Variants in CYB5D2 observed in about 807,000 individuals in gnomAD.
CYB5D2 encodes neuferricin.
In CYB5D2, 23 loss-of-function variants were observed where a neutral mutation model predicts 22.8. The observed-to-expected ratio is 1.01, with a 90% CI of 0.73 to 1.43. The LOEUF (loss-of-function observed/expected upper bound fraction) is 1.43, where lower values mean the gene tolerates loss of function less well. Among genes scored for constraint, CYB5D2 ranks in the 40% most tolerant of loss-of-function variants. CYB5D2 has a pLI of 0.00. For synonymous variants in CYB5D2, 170 were observed against 152.2 expected (o/e 1.12, Z -0.86); for missense variants, 373 against 357.2 (o/e 1.04, Z -0.36).
In CYB5D2 at chr17:4,144,361, C is replaced by T. The variant is rs539145158; in HGVS notation, c.250+356C>T. ...AGATAAACGAGATCCCGCCCCGCCC[C>T]TACCCTCACAGTTTCCTTAATAATT... On this transcript the variant is annotated intron_variant, in intron 1 of 3. Transcript: ENST00000301391. Among the ~76,000 whole-genome samples, 31 of 152,258 alleles carry T rather than the reference C, an allele frequency of 2.0e-4. 1 individual carries two copies. The highest frequency in any genetic ancestry group is 6.8e-3 in the Middle Eastern group (2 of 294).
rs770455843 is a variant in CYB5D2, at chr17:4,143,769, G to A, written c.14G>A (p.Gly5Glu). The change falls in exon 1 of 4, where the codon GGA (glycine) becomes GAA (glutamate). Residue 5 changes from glycine (G) to glutamate (E), a missense_variant. Transcript: ENST00000301391. MLRCGGRGLLLGLAV... is the reference protein window; with the variant it reads MLRCEGRGLLLGLAV... ...GGGCCTATATAGATGTTGAGGTGCG[G>A]AGGCCGTGGGCTTTTGTTGGGCCTG... 40 of 1,613,562 alleles carry A rather than the reference G, an allele frequency of 2.5e-5. No individual in the cohort carries two copies. The highest frequency in any genetic ancestry group is 3.3e-5 in the Non-Finnish European group (39 of 1,179,902).
At position 4,143,728 on chromosome 17, in the gene CYB5D2, G is replaced by C. The variant is rs1243224416; in HGVS notation, c.-28G>C. Reference sequence around the variant, plus strand: ...GCTGTAGATAGAGGCGGCAACCTCGGAAGTGCGGAGCGGGTGGGCCTATAT... The same window carrying C: ...GCTGTAGATAGAGGCGGCAACCTCGCAAGTGCGGAGCGGGTGGGCCTATAT... On this transcript the variant is annotated 5_prime_UTR_variant, in exon 1 of 4. Transcript: ENST00000301391. The C allele has an allele frequency of 1.3e-6, 2 of 1,585,810 alleles. No individual in the cohort carries two copies. Among genetic ancestry groups the C allele is most frequent in the East Asian group, 4.5e-5 (2 of 44,310 alleles).
rs1409073768 is a variant in CYB5D2, at chr17:4,157,496, G to A, written c.*414G>A. ...TCTGGAATTGGAAAAGCTTTTGCTT[G>A]TATGGATACAGCAAATCCAGATGTC... On this transcript the variant is annotated 3_prime_UTR_variant, in exon 4 of 4. Transcript: ENST00000301391. This position sits in a 1 kb window ranked among gnomAD's most constrained non-coding sequence, Gnocchi z 4.4. The A allele has an allele frequency of 1.4e-5, 3 of 215,338 alleles. No individual in the cohort carries two copies. Among genetic ancestry groups the A allele is most frequent in the Non-Finnish European group, 2.8e-5 (3 of 107,992 alleles). The allele number at this position is 215,338 out of a possible 1,614,324, so 13.3% of individuals were successfully genotyped here.
intron 2 of CYB5D2, among the ~76,000 whole-genome samples, chr17:4,152,687 A>C (rs562791263): frequency 2.6e-5 from 4 of 152,372 alleles, no homozygotes; most frequent in African/African-American, 9.6e-5. Flanking sequence ...AGGCCAACTC[A>C]TAGACTGCAG....
intron 1 of CYB5D2, among the ~76,000 whole-genome samples, chr17:4,145,593 T>G (rs754847986): frequency 2.0e-5 from 3 of 152,240 alleles, no homozygotes; most frequent in Admixed American, 6.5e-5. Flanking sequence ...GCTCCCGTGT[T>G]CTGGTATTCA....
In CYB5D2 at chr17:4,149,887, C is replaced by A; in HGVS notation, c.251-4C>A. On this transcript the variant is annotated splice_region_variant and splice_polypyrimidine_tract_variant and intron_variant, in intron 1 of 3. Coordinates refer to ENST00000301391, the MANE Select transcript of CYB5D2 (RefSeq NM_144611.4). ...TGGGTCTGATGGAAACATCTCTGTTCCAGGCCGAGACGCATCCAGAGCTTT... is the reference window on the plus strand; with the variant it reads ...TGGGTCTGATGGAAACATCTCTGTTACAGGCCGAGACGCATCCAGAGCTTT... The A allele has an allele frequency of 6.2e-7, 1 of 1,612,936 alleles. No individual in the cohort carries two copies. Among genetic ancestry groups the A allele is most frequent in the Non-Finnish European group, 8.5e-7 (1 of 1,179,136 alleles).
rs117716183 is a variant in CYB5D2, at chr17:4,151,947, G to A, written c.391+1916G>A. 6.8e-3 allele frequency among the ~76,000 whole-genome samples: 1,020 copies of A among 150,894 alleles called. 6 individuals are homozygous for A. The highest frequency in any genetic ancestry group is 0.021 in the Middle Eastern group (6 of 284). ...CTTGAACCTGGAAGGCAGAGGTTGCGATAAGCCGAGATCACATCACTGCAT... is the reference window on the plus strand; with the variant it reads ...CTTGAACCTGGAAGGCAGAGGTTGCAATAAGCCGAGATCACATCACTGCAT... On this transcript the variant is annotated intron_variant, in intron 2 of 3. Transcript: ENST00000301391.
At chr17:4,148,858 G>A (rs2059022780) in intron 1 of CYB5D2, among the ~76,000 whole-genome samples, 1 of 152,028 alleles carries the variant, frequency 6.6e-6, no homozygotes, top group African/African-American at 2.4e-5. Flanking sequence ...CCTGGATTGA[G>A]CAACTGGTTG....
At chr17:4,151,711 G>T (rs1350654008) in intron 2 of CYB5D2, among the ~76,000 whole-genome samples, 1 of 151,398 alleles carries the variant, frequency 6.6e-6, no homozygotes, top group Non-Finnish European at 1.5e-5. Context: ...AAAAGAAAAA[G>T]AATAAGAATG....
chr17:4,156,040 A>G (rs4790176), intron 3 of CYB5D2, among the ~76,000 whole-genome samples: 118,640 of 152,274 alleles, frequency 0.78, 47,926 homozygotes, highest in East Asian at 0.98. Context: ...GAGGCTGGGT[A>G]GAAGAGGGAG....
intron 1 of CYB5D2, among the ~76,000 whole-genome samples, chr17:4,146,046 G>A (rs1038406762): frequency 1.3e-5 from 2 of 152,126 alleles, no homozygotes; most frequent in African/African-American, 4.8e-5. Flanking sequence ...TGATTCAGCC[G>A]CTGAAAGTGT....
intron 1 of CYB5D2, among the ~76,000 whole-genome samples, chr17:4,148,401 C>G (rs987989279): frequency 2.6e-5 from 4 of 151,892 alleles, no homozygotes; most frequent in African/African-American, 9.7e-5. Flanking sequence ...CCTGTAGTCC[C>G]AGCTACTCAG....
intron 1 of CYB5D2, among the ~76,000 whole-genome samples, chr17:4,144,888 G>A (rs2058967174): frequency 6.6e-6 from 1 of 152,140 alleles, no homozygotes; most frequent in South Asian, 2.1e-4. Context: ...CCGGGTTCAC[G>A]CCATTCTCCT....
At chr17:4,149,666 G>T (rs1474516410) in intron 1 of CYB5D2, among the ~76,000 whole-genome samples, 2 of 152,212 alleles carry the variant, frequency 1.3e-5, no homozygotes, top group East Asian at 3.8e-4. Flanking sequence ...AGGCGTGGTG[G>T]CGGGCGCCTG....
intron 2 of CYB5D2, among the ~76,000 whole-genome samples, chr17:4,151,984 C>T (rs560472652): frequency 1.4e-5 from 2 of 147,940 alleles, no homozygotes; most frequent in African/African-American, 5.0e-5. Context: ...CCAGCCTGGG[C>T]AACGGAGTGA....
rs1397651535 is a variant in CYB5D2 at position 4,145,465 on chromosome 17, TTGCGC to T, written c.250+1464_250+1468del. 2.6e-5 allele frequency among the ~76,000 whole-genome samples: 4 copies of T among 152,336 alleles called. No homozygotes were observed. The East Asian group carries it at 5.8e-4, about 22-fold the overall frequency. On this transcript the variant is annotated intron_variant, in intron 1 of 3. Coordinates refer to ENST00000301391, the MANE Select transcript of CYB5D2 (RefSeq NM_144611.4). ...CGCTGCTAGTTGAAGGCAGTTTTCG[TTGCGC>T]TGCCCTGCTGCGTGCTGTGGGAGCT...
chr17:4,154,373 G>A (rs1316349122), intron 2 of CYB5D2, among the ~76,000 whole-genome samples: 1 of 152,210 alleles, frequency 6.6e-6, no homozygotes, highest in Non-Finnish European at 1.5e-5. Flanking sequence ...GCACATGGAA[G>A]CATGGAGAAA....
At chr17:4,149,300 G>C (rs1051263078) in intron 1 of CYB5D2, among the ~76,000 whole-genome samples, 3 of 152,196 alleles carry the variant, frequency 2.0e-5, no homozygotes, top group Non-Finnish European at 2.9e-5. Context: ...CCCTAAGGCT[G>C]GTAGACAGTG....
rs1007540128 is a variant in CYB5D2, at chr17:4,143,595, C to G, written c.-161C>G. 16 of 1,001,262 alleles carry G rather than the reference C, an allele frequency of 1.6e-5. No homozygotes were observed. The highest frequency in any genetic ancestry group is 2.3e-5 in the Non-Finnish European group (16 of 700,896). The allele number at this position is 1,001,262 out of a possible 1,614,324, so 62.0% of individuals were successfully genotyped here. On this transcript the variant is annotated 5_prime_UTR_variant, in exon 1 of 4. Transcript: ENST00000301391. ...GAGCTTTTCGCCAGTGCCAGGAATA[C>G]AGATAAAACGAGAGAGACTAAGGGA...
Sources: gnomAD v4.1 joint callset for allele counts (sites outside exome capture counted in the v4.1 genomes callset) on GRCh38, gnomAD v4.1.1 for gene constraint, Gnocchi (gnomAD v3.1) non-coding constraint, MANE v1.5 for transcripts, NCBI Gene and HGNC (gene_info 2026-07-23, HGNC 2026-07-21) for gene names.